The following LPP variants were observed in gnomAD, a reference collection of about 807,000 sequenced individuals.
LPP encodes the protein lipoma-preferred partner.
LPP carries 38 observed loss-of-function variants against 60.4 expected under a neutral mutation model. The observed-to-expected ratio is 0.63, with a 90% CI of 0.49 to 0.83. The LOEUF (loss-of-function observed/expected upper bound fraction) is 0.83. Ranked by LOEUF, LPP falls within the 40% of genes least tolerant of loss-of-function variation. The pLI, the probability that LPP is intolerant of heterozygous loss-of-function variation, is 0.00. For missense variants in LPP, 902 were observed against 783.6 expected, an observed-to-expected ratio of 1.15 and a Z score of -1.80; for synonymous variants, 328 against 290.8, an observed-to-expected ratio of 1.13 and a Z score of -1.30.
rs369693910 is a variant in LPP, at chr3:188,517,833, A to C, written c.307-6832A>C. 2.0e-5 allele frequency among the ~76,000 whole-genome samples: 3 copies of C among 152,182 alleles called. No homozygotes were observed. In the South Asian group the frequency reaches 6.2e-4, roughly 32 times the overall value. ...CCATAACATGGGGAGTTATGGGAGT[A>C]CAATTTAAGATGAGATTTGGATAGG... On this transcript the variant is annotated intron_variant, in intron 5 of 11. Coordinates refer to ENST00000617246, the MANE Select transcript of LPP (RefSeq NM_001375462.1).
chr3:188,708,293 T>C lies in LPP; in HGVS notation c.1140T>C (p.Pro380=). ...PKGGHSGQLG[P]SSVAPSFRPE... ...GTGGCCATTCAGGGCAACTGGGGCC[T>C]TCGTCAGTTGCCCCTTCATTCCGCC... The change falls in exon 8 of 12, where the codon CCT becomes CCC. Residue 380 remains proline (P), a synonymous_variant. Coordinates refer to ENST00000617246, the MANE Select transcript of LPP (RefSeq NM_001375462.1). 2.5e-6 allele frequency: 4 copies of C among 1,614,126 alleles called. No individual in the cohort carries two copies. The highest frequency in any genetic ancestry group is 3.4e-6 in the Non-Finnish European group (4 of 1,179,984).
chr3:188,546,119 G>T (rs1392782766), intron 6 of LPP, among the ~76,000 whole-genome samples: 1 of 151,958 alleles, frequency 6.6e-6, no homozygotes, highest in Non-Finnish European at 1.5e-5. Context: ...TGATGACGTG[G>T]TCCTTCTCAT....
intron 8 of LPP, among the ~76,000 whole-genome samples, chr3:188,741,504 G>A (rs1356941180): frequency 6.6e-6 from 1 of 151,756 alleles, no homozygotes; most frequent in East Asian, 1.9e-4. Context: ...CCAAATTAGG[G>A]AGAACTGACA....
chr3:188,330,914 G>A (rs1305081117), intron 2 of LPP, among the ~76,000 whole-genome samples: 2 of 152,002 alleles, frequency 1.3e-5, no homozygotes, highest in Admixed American at 1.3e-4. Flanking sequence ...CTAGGCCTTG[G>A]TGACTTACTC....
intron 3 of LPP, among the ~76,000 whole-genome samples, chr3:188,401,000 A>G (rs1318146404): frequency 6.6e-6 from 1 of 152,200 alleles, no homozygotes; most frequent in Non-Finnish European, 1.5e-5. Context: ...TTTTAGAGAA[A>G]GAAAGCACTC....
intron 8 of LPP, among the ~76,000 whole-genome samples, chr3:188,719,936 G>A (rs62291264): frequency 0.056 from 8,568 of 152,224 alleles, 307 homozygotes; most frequent in Non-Finnish European, 0.086. Flanking sequence ...TGTCTGAGAC[G>A]TAGTCTTGCT....
rs1249059767 is a variant in LPP at position 188,609,112 on chromosome 3, G to A, written c.430-49G>A. 2.3e-6 allele frequency: 3 copies of A among 1,318,334 alleles called. No homozygotes were observed. The highest frequency in any genetic ancestry group is 2.3e-5 in the East Asian group (1 of 42,938). 81.7% of individuals were successfully genotyped at this position (1,318,334 alleles called of 1,614,324 possible). On this transcript the variant is annotated intron_variant, in intron 6 of 11. Transcript: ENST00000617246. This position sits in a 1 kb window ranked among gnomAD's most constrained non-coding sequence, Gnocchi z 6.9. ...TTATTCATTTTTATTGAGTTTCGTTGGCAGTAATTTTTGCTTTCTTTCTTT... is the reference window on the plus strand; with the variant it reads ...TTATTCATTTTTATTGAGTTTCGTTAGCAGTAATTTTTGCTTTCTTTCTTT...
Position 188,859,015 on chromosome 3 carries a change from G to A in LPP, c.1411-7185G>A, listed in dbSNP as rs549943133. On this transcript the variant is annotated intron_variant, in intron 9 of 11. Transcript: ENST00000617246. ...GAGGCAGGAGAATCGCTTGAACCTC[G>A]GAGGCAGAGGTTGCAGTGAGCCGAG... 7.7e-4 allele frequency among the ~76,000 whole-genome samples: 115 copies of A among 149,378 alleles called. 1 individual carries two copies. The highest frequency in any genetic ancestry group is 8.7e-4 in the Admixed American group (13 of 14,860).
At chr3:188,317,221 C>A (rs1755332071) in intron 2 of LPP, among the ~76,000 whole-genome samples, 1 of 148,582 alleles carries the variant, frequency 6.7e-6, no homozygotes, top group African/African-American at 2.5e-5. Flanking sequence ...AGTTGGAAAA[C>A]TTTTTTTTTT....
chr3:188,504,609 G>A (rs1258460447), intron 5 of LPP, among the ~76,000 whole-genome samples: 2 of 151,920 alleles, frequency 1.3e-5, no homozygotes, highest in African/African-American at 4.8e-5. Context: ...TATTTTGTGG[G>A]GTTATTGTTG....
chr3:188,185,511 C>A (rs1209225156), intron 1 of LPP, among the ~76,000 whole-genome samples: 3 of 151,962 alleles, frequency 2.0e-5, no homozygotes, highest in Middle Eastern at 3.2e-3. Flanking sequence ...CCCCTATATA[C>A]CCCACAGTTC....
chr3:188,781,556 G>A lies in LPP; in HGVS notation c.1410+21274G>A, dbSNP rs189901579. 4.5e-4 allele frequency among the ~76,000 whole-genome samples: 68 copies of A among 151,856 alleles called. No homozygotes were observed. In the East Asian group the frequency reaches 0.012, roughly 27 times the overall value. On this transcript the variant is annotated intron_variant, in intron 9 of 11. Coordinates refer to ENST00000617246, the MANE Select transcript of LPP (RefSeq NM_001375462.1). Reference sequence around the variant, plus strand: ...CACAGGGTGGCAGGAGAGAGAATGAGAGACAAGCAAAAAAGGAAAAGCCCT... The same window carrying A: ...CACAGGGTGGCAGGAGAGAGAATGAAAGACAAGCAAAAAAGGAAAAGCCCT...
chr3:188,536,247 G>A (rs923029780), intron 6 of LPP, among the ~76,000 whole-genome samples: 1 of 152,112 alleles, frequency 6.6e-6, no homozygotes, highest in Non-Finnish European at 1.5e-5. Flanking sequence ...GACCTCAGGT[G>A]ATCTGCCCGC....
chr3:188,757,696 T>C (rs1249490811), intron 8 of LPP, among the ~76,000 whole-genome samples: 4 of 152,108 alleles, frequency 2.6e-5, no homozygotes, highest in Non-Finnish European at 5.9e-5. Flanking sequence ...ATTTAACAAA[T>C]GTAAAATGTA....
Position 188,351,280 on chromosome 3 carries a change from C to T in LPP, c.-10+9561C>T, listed in dbSNP as rs995128895. ...TGAGACTTATAGGCTTAAAGAATTT[C>T]GGAACTGGAAAGGAAGTTAAAACCT... On this transcript the variant is annotated intron_variant, in intron 3 of 11. Transcript: ENST00000617246. 3.2e-4 allele frequency among the ~76,000 whole-genome samples: 49 copies of T among 152,148 alleles called. 1 individual carries two copies. The highest frequency in any genetic ancestry group is 1.1e-3 in the African/African-American group (44 of 41,422).
intron 2 of LPP, among the ~76,000 whole-genome samples, chr3:188,235,806 G>T (rs1577445829): frequency 6.6e-6 from 1 of 152,206 alleles, no homozygotes; most frequent in Non-Finnish European, 1.5e-5. Context: ...TCAATGATTG[G>T]CTGTTTTTGT....
chr3:188,365,702 T>C (rs9878655), intron 3 of LPP, among the ~76,000 whole-genome samples: 50,614 of 148,456 alleles, frequency 0.34, 10,022 homozygotes, highest in Middle Eastern at 0.59. Flanking sequence ...TTTTTTTTTT[T>C]ACTCTGTTGA....
intron 2 of LPP, among the ~76,000 whole-genome samples, chr3:188,249,304 G>A (rs1042950502): frequency 6.6e-6 from 1 of 152,000 alleles, no homozygotes; most frequent in Non-Finnish European, 1.5e-5. Context: ...GGCTGAGGTG[G>A]GAGGATCGAT....
intron 2 of LPP, among the ~76,000 whole-genome samples, chr3:188,295,291 C>T (rs2150087146): frequency 6.6e-6 from 1 of 152,310 alleles, no homozygotes; most frequent in East Asian, 1.9e-4. Flanking sequence ...GCAGCTCATT[C>T]CCCATGCACG....
Sources: allele counts gnomAD v4.1 joint callset (sites outside exome capture counted in the v4.1 genomes callset), GRCh38; gene constraint gnomAD v4.1.1; non-coding constraint Gnocchi (gnomAD v3.1); transcripts MANE v1.5; gene names NCBI Gene and HGNC (gene_info 2026-07-23, HGNC 2026-07-21).